Variants in ODF2L observed in about 807,000 individuals in gnomAD.
ODF2L encodes the protein protein BCAP.
Under a neutral mutation model 86.3 loss-of-function variants are expected in ODF2L, and 76 were observed. The ratio of observed to expected loss-of-function variants is 0.88; its 90% CI spans 0.73 to 1.07. The LOEUF is 1.07. ODF2L is among the 50% of genes least tolerant of loss of function. The pLI is 0.00. For synonymous variants in ODF2L, 241 were observed against 231.3 expected (o/e 1.04, Z -0.38); for missense variants, 748 against 717.4 (o/e 1.04, Z -0.49).
rs200376282 is a variant in ODF2L at position 86,357,350 on chromosome 1, AT to A, written c.1360-749del. ...TCTTGATCAGGAAAGATAATGCAGT[AT>A]TTTTTTTTTTTTGCAAAATTAAAAT... On this transcript the variant is annotated intron_variant, in intron 13 of 17. Coordinates refer to ENST00000317336, the Ensembl canonical transcript of ODF2L. Among the ~76,000 whole-genome samples, 947 of 143,702 alleles carry A rather than the reference AT, an allele frequency of 6.6e-3. 11 individuals are homozygous for A. Among genetic ancestry groups the A allele is most frequent in the African/African-American group, 0.015 (600 of 39,466 alleles). The allele number at this position is 143,702 out of a possible 152,430, so 94.3% of individuals were successfully genotyped here. A position where few individuals can be genotyped will look rare whatever the true frequency, so the allele number is the denominator to read the frequency against.
chr1:86,387,280 C>T (rs1044761901), intron 1 of ODF2L, among the ~76,000 whole-genome samples, 194 bp from the exon 2 acceptor site: 1 of 152,082 alleles, frequency 6.6e-6, no homozygotes, highest in Non-Finnish European at 1.5e-5. Flanking sequence ...TCAACAATTG[C>T]CAATTTCCAT....
chr1:86,370,661 T>C (rs1484987114), intron 10 of ODF2L, among the ~76,000 whole-genome samples: 2 of 152,118 alleles, frequency 1.3e-5, no homozygotes, highest in Non-Finnish European at 2.9e-5. Flanking sequence ...GAAAATTCTT[T>C]CTGGTTATGA....
intron 11 of ODF2L, among the ~76,000 whole-genome samples, chr1:86,368,132 TCTC>T (rs1325084932): frequency 1.3e-5 from 2 of 152,130 alleles, no homozygotes; most frequent in East Asian, 3.9e-4. Flanking sequence ...TAGGGAAGTT[TCTC>T]CTCCTCTTTC....
intron 2 of ODF2L, 95 bp downstream of exon 2, chr1:86,386,820 G>T (rs767593529): frequency 1.6e-6 from 1 of 613,716 alleles, no homozygotes; most frequent in Admixed American, 2.8e-5. Context: ...ACTCTTAAAA[G>T]AATGCTGTAT....
chr1:86,361,034 C>T (rs1050788610), intron 11 of ODF2L: 1 of 152,138 alleles, frequency 6.6e-6, no homozygotes, highest in African/African-American at 2.4e-5. Context: ...AATTTTCAGA[C>T]AATTCAGATA....
At chr1:86,348,471 T>C (rs1657914595), downstream of ODF2L, 1 of 166,852 alleles carries the variant, frequency 6.0e-6, no homozygotes. Context: ...CTGACTTCCA[T>C]GTCTATGTGT....
At chr1:86,372,234 T>G (rs907202572) in intron 9 of ODF2L, among the ~76,000 whole-genome samples, 197 bp downstream of exon 9, 79 of 151,710 alleles carry the variant, frequency 5.2e-4, no homozygotes, top group African/African-American at 1.7e-3. Context: ...TCACTTTTAA[T>G]GAGCAATCAT....
At chr1:86,388,305 C>T (rs776828270) in intron 1 of ODF2L, among the ~76,000 whole-genome samples, 5 of 152,038 alleles carry the variant, frequency 3.3e-5, no homozygotes, top group African/African-American at 7.2e-5. Flanking sequence ...AGAATATGCT[C>T]GGGATAAGTC....
intron 14 of ODF2L, chr1:86,355,527 C>A: frequency 1.6e-6 from 1 of 615,884 alleles, no homozygotes; most frequent in Non-Finnish European, 2.9e-6. Flanking sequence ...ATTTTGTCTG[C>A]ATATTTTTAT....
chr1:86,383,027 T>C, intron 5 of ODF2L, 25 bp from the exon 6 acceptor site: 3 of 1,372,854 alleles, frequency 2.2e-6, no homozygotes, highest in Non-Finnish European at 3.1e-6. Flanking sequence ...AAATAAGAAT[T>C]AGGAATTTCA....
chr1:86,374,609 C>A (rs908635707), intron 8 of ODF2L, among the ~76,000 whole-genome samples: 6 of 152,152 alleles, frequency 3.9e-5, no homozygotes, highest in African/African-American at 1.4e-4. Flanking sequence ...TCAGTGGTCT[C>A]TCGTACTTTC....
At chr1:86,395,969 G>A (rs959177174) in intron 1 of ODF2L, 64 bp downstream of exon 1, 2 of 152,272 alleles carry the variant, frequency 1.3e-5, no homozygotes, top group African/African-American at 4.8e-5. Context: ...GGGCTCCCGC[G>A]GTAAACGCCC....
rs201582852 is a variant in ODF2L, at chr1:86,391,790, CAA to C, written c.-60+4241_-60+4242del. Reference sequence around the variant, plus strand: ...AAACCCTTCTAGATATTGGCTTAGGCAAAGATTTCATTACCAAGAACCCAAAA... The same window carrying C: ...AAACCCTTCTAGATATTGGCTTAGGCAGATTTCATTACCAAGAACCCAAAA... On this transcript the variant is annotated intron_variant, in intron 1 of 17. Coordinates refer to ENST00000317336, the Ensembl canonical transcript of ODF2L. 8.3e-3 allele frequency among the ~76,000 whole-genome samples: 1,261 copies of C among 152,180 alleles called. 13 individuals carry two copies. Among genetic ancestry groups the C allele is most frequent in the Middle Eastern group, 0.034 (10 of 294 alleles).
intron 2 of ODF2L, chr1:86,386,356 C>T (rs1660953530): frequency 1.3e-5 from 2 of 149,420 alleles, no homozygotes. Flanking sequence ...AAATTCTTAA[C>T]AGATGAGGTT....
At chr1:86,359,156 G>C (rs1368042362) in intron 12 of ODF2L, among the ~76,000 whole-genome samples, 1 of 151,490 alleles carries the variant, frequency 6.6e-6, no homozygotes, top group Admixed American at 6.6e-5. Context: ...ATTTTCATTT[G>C]CAGATCAATG....
chr1:86,381,057 CAA>C (rs1660550667), intron 7 of ODF2L, among the ~76,000 whole-genome samples: 1 of 151,726 alleles, frequency 6.6e-6, no homozygotes, highest in Non-Finnish European at 1.5e-5. Flanking sequence ...GCCTTAAATC[CAA>C]AAGTGTGTGA....
In ODF2L at chr1:86,372,187, CA is replaced by C. The variant is rs5775905; in HGVS notation, c.920+243del. On this transcript the variant is annotated intron_variant, in intron 9 of 17. Transcript: ENST00000317336. ...CTGGCAACAAAGTGAGACTCCATCT[CA>C]AAAAAAAAAAAAAAATTAAAAATGT... Among the ~76,000 whole-genome samples the C allele has an allele frequency of 6.6e-3, 766 of 116,334 alleles. 9 individuals are homozygous for C. The highest frequency in any genetic ancestry group is 0.019 in the African/African-American group (566 of 30,344). 76.3% of individuals were successfully genotyped at this position (116,334 alleles called of 152,430 possible). A position where few individuals can be genotyped will look rare whatever the true frequency, so the allele number is the denominator to read the frequency against.
intron 17 of ODF2L, among the ~76,000 whole-genome samples, chr1:86,352,454 T>C (rs1162462228): frequency 6.6e-6 from 1 of 152,128 alleles, no homozygotes; most frequent in African/African-American, 2.4e-5. Flanking sequence ...TACTACAAAA[T>C]TATAACTTTC....
At chr1:86,347,579 A>G (rs1657875248), downstream of ODF2L, 1 of 152,228 alleles carries the variant, frequency 6.6e-6, no homozygotes, top group Admixed American at 6.5e-5. Context: ...CTAGAAAGTA[A>G]GCATCTGTGA....
Sources: gnomAD v4.1 joint callset for allele counts (sites outside exome capture counted in the v4.1 genomes callset) on GRCh38, gnomAD v4.1.1 for gene constraint, MANE v1.5 for transcripts, NCBI Gene and HGNC (gene_info 2026-07-23, HGNC 2026-07-21) for gene names.